Variants in FBXL20 observed in about 807,000 individuals in gnomAD.
The protein encoded by FBXL20 is F-box/LRR-repeat protein 20.
Under a neutral mutation model 64.0 loss-of-function variants are expected in FBXL20, and 11 were observed. The ratio of observed to expected loss-of-function variants is 0.17; its 90% confidence interval spans 0.11 to 0.28. FBXL20 has a LOEUF of 0.28. FBXL20 is among the 10% of genes least tolerant of loss of function. The pLI, the probability that FBXL20 is intolerant of heterozygous loss-of-function variation, is 1.00. For missense variants in FBXL20, 303 were observed against 526.2 expected, an observed-to-expected ratio of 0.58 and a Z score of 4.15; for synonymous variants, 184 against 189.0, an observed-to-expected ratio of 0.97 and a Z score of 0.22.
intron 7 of FBXL20, among the ~76,000 whole-genome samples, chr17:39,283,634 C>T (rs993727256): frequency 6.6e-6 from 1 of 151,960 alleles, no homozygotes; most frequent in Non-Finnish European, 1.5e-5. Flanking sequence ...AGTAATGAAG[C>T]CTTTTAAACT....
At chr17:39,269,291 T>G (rs2046819395) in intron 11 of FBXL20, among the ~76,000 whole-genome samples, 1 of 152,106 alleles carries the variant, frequency 6.6e-6, no homozygotes, top group Non-Finnish European at 1.5e-5. Context: ...CCTCCCGGGT[T>G]CACGCCATTC....
rs1336073705 is a variant in FBXL20 at position 39,259,316 on chromosome 17, T to TA, written c.*2143dup. On this transcript the variant is annotated 3_prime_UTR_variant, in exon 15 of 15. Coordinates refer to ENST00000264658, the MANE Select transcript of FBXL20 (RefSeq NM_032875.3). The stretch of plus-strand genomic sequence containing the variant: ...CCATCTCTAAAAAAATAAAATAAAA[T>TA]AAAATAAATAAATAAAACAAGCCTT... 5 of 151,566 alleles carry TA rather than the reference T, an allele frequency of 3.3e-5. No individual in the cohort carries two copies. The highest frequency in any genetic ancestry group is 1.2e-4 in the African/African-American group (5 of 41,252). 9.4% of individuals were successfully genotyped at this position (151,566 alleles called of 1,614,324 possible).
chr17:39,384,775 T>C (rs917418920), intron 1 of FBXL20, among the ~76,000 whole-genome samples: 3 of 151,340 alleles, frequency 2.0e-5, no homozygotes, highest in East Asian at 2.0e-4. Context: ...CTGGCCAACA[T>C]GGTGAAACCC....
At position 39,268,817 on chromosome 17, in the gene FBXL20, A is replaced by G. The variant is rs370430607; in HGVS notation, c.933+10T>C. ...ATACTGTATTTCTGAATTAAAATCT[A>G]CAATCTTACCTGAACACACTCTTCC... On this transcript the variant is annotated intron_variant, in intron 12 of 14. Transcript: ENST00000264658. 6.2e-7 allele frequency: 1 copy of G among 1,611,118 alleles called. No homozygotes were observed. Among genetic ancestry groups the G allele is most frequent in the African/African-American group, 1.3e-5 (1 of 74,868 alleles).
At chr17:39,337,211 C>T (rs1211835464) in intron 2 of FBXL20, among the ~76,000 whole-genome samples, 2 of 152,224 alleles carry the variant, frequency 1.3e-5, no homozygotes, top group African/African-American at 4.8e-5. Context: ...TGGTCTCCAG[C>T]TCCTAACCAC....
intron 12 of FBXL20, among the ~76,000 whole-genome samples, chr17:39,268,509 C>G (rs1222604160): frequency 1.3e-5 from 2 of 152,104 alleles, no homozygotes; most frequent in African/African-American, 4.8e-5. Context: ...CTATATAGAT[C>G]AGTGTGATGG....
intron 1 of FBXL20, among the ~76,000 whole-genome samples, chr17:39,371,664 CT>C (rs76801256): frequency 2.7e-3 from 392 of 142,988 alleles, no homozygotes; most frequent in African/African-American, 3.6e-3. Flanking sequence ...TTACTTTTTT[CT>C]TTTTTTTTTT....
At chr17:39,280,117 C>T (rs1300917716) in intron 9 of FBXL20, among the ~76,000 whole-genome samples, 1 of 151,966 alleles carries the variant, frequency 6.6e-6, no homozygotes, top group Non-Finnish European at 1.5e-5. Flanking sequence ...CGCTTGTAAT[C>T]CCAGCTACTT....
rs1295939796 is a variant in FBXL20 at position 39,255,280 on chromosome 17, AC to A, written c.*6179del. ...GTGAAACCCCGTCTCTACTAAAAAT[AC>A]AAAAAATTAGCCGGGCGTGGTGGCG... On this transcript the variant is annotated 3_prime_UTR_variant, in exon 15 of 15. Transcript: ENST00000264658. 6.6e-6 allele frequency: 1 copy of A among 152,202 alleles called. No homozygotes were observed. Among genetic ancestry groups the A allele is most frequent in the African/African-American group, 2.4e-5 (1 of 41,426 alleles). 9.4% of individuals were successfully genotyped at this position (152,202 alleles called of 1,614,324 possible).
At chr17:39,282,619 TACAC>T (rs2046957912) in intron 8 of FBXL20, 106 bp downstream of exon 8, 1 of 1,417,100 alleles carries the variant, frequency 7.1e-7, no homozygotes, top group South Asian at 1.3e-5. Context: ...TTGTCAATAA[TACAC>T]ACAACTAACC....
chr17:39,325,922 C>T (rs1026866995), intron 2 of FBXL20, among the ~76,000 whole-genome samples: 7 of 152,088 alleles, frequency 4.6e-5, no homozygotes, highest in African/African-American at 1.7e-4. Context: ...GAAATGTGAT[C>T]CCCAATGTTG....
At chr17:39,335,582 CAAAAAAAAAAAA>C (rs36023380) in intron 2 of FBXL20, among the ~76,000 whole-genome samples, 1 of 77,366 alleles carries the variant, frequency 1.3e-5, no homozygotes, top group Non-Finnish European at 2.5e-5. Flanking sequence ...GACTCCGTCT[CAAAAAAAAAAAA>C]AAAAAAAAAA....
chr17:39,293,546 A>C (rs2047059520), intron 6 of FBXL20, among the ~76,000 whole-genome samples: 1 of 152,130 alleles, frequency 6.6e-6, no homozygotes, highest in African/African-American at 2.4e-5. Context: ...AAAATAAATA[A>C]AAAAATAAAA....
At chr17:39,287,138 C>G (rs1441113640) in intron 6 of FBXL20, among the ~76,000 whole-genome samples, 1 of 151,922 alleles carries the variant, frequency 6.6e-6, no homozygotes, top group African/African-American at 2.4e-5. Context: ...GTCTTGAACT[C>G]CTGACCTTGT....
chr17:39,307,528 A>G (rs1181167427), intron 2 of FBXL20, among the ~76,000 whole-genome samples: 1 of 152,224 alleles, frequency 6.6e-6, no homozygotes, highest in Non-Finnish European at 1.5e-5. Flanking sequence ...TGAGTTCTTA[A>G]TTATGTACCA....
intron 1 of FBXL20, among the ~76,000 whole-genome samples, chr17:39,391,566 A>G (rs1219405311): frequency 6.6e-6 from 1 of 152,140 alleles, no homozygotes; most frequent in Non-Finnish European, 1.5e-5. Context: ...ACAAATTTAT[A>G]TAAATTATAA....
intron 1 of FBXL20, among the ~76,000 whole-genome samples, chr17:39,364,510 G>A (rs1457319124): frequency 6.6e-6 from 1 of 152,204 alleles, no homozygotes; most frequent in African/African-American, 2.4e-5. Context: ...TCAGGAGGCT[G>A]AGGCGGGAGG....
chr17:39,308,732 A>AT (rs1334230209), intron 2 of FBXL20, among the ~76,000 whole-genome samples: 1 of 151,586 alleles, frequency 6.6e-6, no homozygotes, highest in Non-Finnish European at 1.5e-5. Context: ...CGCCCGGCTA[A>AT]TTTTTTGTAT....
chr17:39,389,293 G>A (rs1045347432), intron 1 of FBXL20, among the ~76,000 whole-genome samples: 1 of 152,012 alleles, frequency 6.6e-6, no homozygotes, highest in Non-Finnish European at 1.5e-5. Flanking sequence ...CTAGGAGAAC[G>A]CCAAGATACA....
Sources: gnomAD v4.1 joint callset for allele counts (sites outside exome capture counted in the v4.1 genomes callset) on GRCh38, gnomAD v4.1.1 for gene constraint, MANE v1.5 for transcripts, NCBI Gene and HGNC (gene_info 2026-07-23, HGNC 2026-07-21) for gene names.